Variants in ZNF341 observed in about 807,000 individuals in gnomAD.
The protein encoded by ZNF341 is zinc finger protein 341.
Under a neutral mutation model 87.7 loss-of-function variants are expected in ZNF341, and 52 were observed. The observed-to-expected ratio is 0.59, with a 90% CI of 0.47 to 0.75. ZNF341 has a LOEUF of 0.75. Ranked by LOEUF, ZNF341 falls within the 30% of genes least tolerant of loss-of-function variation. ZNF341 has a pLI of 0.00. For missense variants in ZNF341, 977 were observed against 1,145.9 expected (o/e 0.85, Z 2.13); for synonymous variants, 459 against 472.7 (o/e 0.97, Z 0.38).
At chr20:33,749,731 C>T (rs1248783746) in intron 4 of ZNF341, among the ~76,000 whole-genome samples, 1 of 151,112 alleles carries the variant, frequency 6.6e-6, no homozygotes, top group Non-Finnish European at 1.5e-5. Flanking sequence ...TGAGCCACTG[C>T]ACCCAGCCTG....
At chr20:33,765,035 C>A (rs1275237084) in intron 8 of ZNF341, among the ~76,000 whole-genome samples, 1 of 151,830 alleles carries the variant, frequency 6.6e-6, no homozygotes. Context: ...GCTTTGTTGC[C>A]CAGGCTGGTC....
chr20:33,766,782 G>T (rs917503720), intron 8 of ZNF341, 69 bp from the exon 9 acceptor site: 28 of 1,497,434 alleles, frequency 1.9e-5, no homozygotes, highest in Non-Finnish European at 2.1e-5. Flanking sequence ...GGAGCACGGA[G>T]TAGGGGTTCT....
At chr20:33,760,774 G>C (rs1348228649) in intron 7 of ZNF341, among the ~76,000 whole-genome samples, 2 of 151,934 alleles carry the variant, frequency 1.3e-5, no homozygotes, top group Non-Finnish European at 2.9e-5. Flanking sequence ...GAACTCCTGA[G>C]CTCAAGCGAT....
chr20:33,738,043 A>G (rs1254875014), intron 1 of ZNF341, among the ~76,000 whole-genome samples: 1 of 151,862 alleles, frequency 6.6e-6, no homozygotes, highest in Non-Finnish European at 1.5e-5. Context: ...AGGCTGAGGC[A>G]GGAAAGTTGC....
At chr20:33,787,922 C>G (rs2019901887) in intron 12 of ZNF341, 1 of 152,350 alleles carries the variant, frequency 6.6e-6, no homozygotes, top group South Asian at 2.1e-4. Context: ...CGTGCCTCAT[C>G]CTTGACTCCT....
intron 10 of ZNF341, among the ~76,000 whole-genome samples, chr20:33,771,038 C>T (rs555215096): frequency 7.9e-5 from 12 of 152,036 alleles, no homozygotes; most frequent in Admixed American, 1.3e-4. Context: ...AGGAGAATGA[C>T]GTGAACCCGG....
intron 8 of ZNF341, among the ~76,000 whole-genome samples, chr20:33,765,452 C>T (rs2019384459): frequency 6.6e-6 from 1 of 151,508 alleles, no homozygotes; most frequent in Non-Finnish European, 1.5e-5. Flanking sequence ...GATGGTGGCT[C>T]CCTGCAGCCT....
At chr20:33,752,411 G>A in intron 4 of ZNF341, 1 of 623,854 alleles carries the variant, frequency 1.6e-6, no homozygotes, top group Non-Finnish European at 3.1e-6. Flanking sequence ...CTCTTTGAGT[G>A]CCTGAGGAGC....
At chr20:33,789,730 T>C (rs1054943648) in intron 14 of ZNF341, 142 bp downstream of exon 14, 6 of 884,422 alleles carry the variant, frequency 6.8e-6, no homozygotes, top group African/African-American at 6.6e-5. Context: ...CTTTCACTTA[T>C]GTGGGCTATG....
chr20:33,753,045 C>T, intron 4 of ZNF341, 127 bp from the exon 5 acceptor site: 1 of 1,353,448 alleles, frequency 7.4e-7, no homozygotes. Flanking sequence ...TCTCTTAGCC[C>T]CTCTCCTGAG....
intron 8 of ZNF341, among the ~76,000 whole-genome samples, chr20:33,763,820 G>A (rs1489168643): frequency 6.6e-6 from 1 of 152,022 alleles, no homozygotes; most frequent in Non-Finnish European, 1.5e-5. Flanking sequence ...TTTCTTGCAT[G>A]AGGACTGAGA....
chr20:33,761,483 C>T (rs1601258225), intron 7 of ZNF341, among the ~76,000 whole-genome samples: 1 of 152,100 alleles, frequency 6.6e-6, no homozygotes, highest in African/African-American at 2.4e-5. Flanking sequence ...AGGCTGGTCT[C>T]GAACTCCTGA....
intron 2 of ZNF341, among the ~76,000 whole-genome samples, chr20:33,742,745 A>G (rs762756395): frequency 2.8e-4 from 42 of 152,068 alleles, no homozygotes; most frequent in Non-Finnish European, 5.7e-4. Flanking sequence ...GATTGCAGGC[A>G]TGAGCCACAG....
In ZNF341 at chr20:33,783,800, C is replaced by G; in HGVS notation, c.1788C>G (p.Cys596Trp). 1 of 1,613,756 alleles carries G rather than the reference C, an allele frequency of 6.2e-7. No individual in the cohort carries two copies. Among genetic ancestry groups the G allele is most frequent in the South Asian group, 1.1e-5 (1 of 91,076 alleles). The change falls in exon 12 of 15, where the codon TGC becomes TGG. Residue 596 changes from cysteine to tryptophan, a missense_variant. Around this residue, in one of 3 missense-constraint regions of ZNF341, gnomAD observed 241 missense variants for 335.0 expected, o/e 0.72. Transcript: ENST00000375200. Reference protein sequence around the residue: ...PTHGSGGRFKCQVCKKFFRRE... With the variant: ...PTHGSGGRFKWQVCKKFFRRE... ...ACGGCAGCGGGGGCAGGTTCAAGTG[C>G]CAAGTGTGCAAGAAGTTCTTCCGGC...
Position 33,740,967 on chromosome 20 carries a change from C to A in ZNF341, c.97C>A (p.Pro33Thr). Residue 33 changes from proline to threonine, a missense_variant, in exon 2 of 15, where the codon CCG becomes ACG. Around this residue, in one of 3 missense-constraint regions of ZNF341, gnomAD observed 515 missense variants for 598.2 expected, o/e 0.86. Transcript: ENST00000375200. Reference sequence around the variant, plus strand: ...GGATGGCCAAGGAGCAGTCCCTGATCCGACAGGCCAGAGTGTCAATGCGCC... The same window carrying A: ...GGATGGCCAAGGAGCAGTCCCTGATACGACAGGCCAGAGTGTCAATGCGCC... The part of the protein sequence containing the change: ...LLDGQGAVPD[P>T]TGQSVNAPPA... 6.2e-7 allele frequency: 1 copy of A among 1,614,156 alleles called. No homozygotes were observed. The highest frequency in any genetic ancestry group is 1.3e-5 in the African/African-American group (1 of 75,050).
intron 10 of ZNF341, among the ~76,000 whole-genome samples, chr20:33,778,725 C>G (rs909634725): frequency 6.6e-6 from 1 of 152,226 alleles, no homozygotes; most frequent in Non-Finnish European, 1.5e-5. Context: ...AGGCAGTACT[C>G]TACACAGCCT....
At chr20:33,735,061 C>T (rs1303505480) in intron 1 of ZNF341, among the ~76,000 whole-genome samples, 1 of 152,030 alleles carries the variant, frequency 6.6e-6, no homozygotes, top group Non-Finnish European at 1.5e-5. Context: ...GTGACACTCT[C>T]ACTCTGTCAC....
intron 8 of ZNF341, among the ~76,000 whole-genome samples, chr20:33,762,742 G>A (rs1221565155): frequency 2.0e-5 from 3 of 151,978 alleles, no homozygotes; most frequent in African/African-American, 4.8e-5. Context: ...GTGTCCATGT[G>A]TTCTCATCGT....
chr20:33,776,411 A>G (rs2019628360), intron 10 of ZNF341, among the ~76,000 whole-genome samples: 1 of 149,130 alleles, frequency 6.7e-6, no homozygotes, highest in Non-Finnish European at 1.5e-5. Context: ...TTTTTGAGAC[A>G]GGATCTCACT....
Sources: allele counts gnomAD v4.1 joint callset (sites outside exome capture counted in the v4.1 genomes callset), GRCh38; gene constraint gnomAD v4.1.1; regional missense constraint gnomAD v4.1.1; transcripts MANE v1.5; gene names NCBI Gene and HGNC (gene_info 2026-07-23, HGNC 2026-07-21).